UBE2H: variants seen among roughly 807,000 people sequenced by gnomAD.
UBE2H encodes ubiquitin conjugating enzyme E2 H.
Under a neutral mutation model 29.0 loss-of-function variants are expected in UBE2H, and 3 were observed. The ratio of observed to expected loss-of-function variants is 0.10; its 90% CI spans 0.05 to 0.27. The LOEUF (loss-of-function observed/expected upper bound fraction) is 0.27. Among genes scored for constraint, UBE2H ranks in the 10% least tolerant of loss-of-function variants. UBE2H has a pLI of 1.00. For synonymous variants in UBE2H, 69 were observed against 82.9 expected (o/e 0.83, Z 0.91); for missense variants, 68 against 228.2 (o/e 0.30, Z 4.52).
At chr7:129,894,191 C>T (rs1026350422) in intron 1 of UBE2H, among the ~76,000 whole-genome samples, 9 of 152,052 alleles carry the variant, frequency 5.9e-5, no homozygotes, top group Non-Finnish European at 8.8e-5. Context: ...CAGTGGCTCA[C>T]GCCTGTAATT....
At chr7:129,858,974 G>C (rs769152857) in intron 3 of UBE2H, 33 bp from the exon 4 acceptor site, 16 of 1,566,150 alleles carry the variant, frequency 1.0e-5, no homozygotes, top group Non-Finnish European at 7.0e-6. Context: ...GCAGCAAAAA[G>C]TATCCAGAGA....
At chr7:129,856,910 TC>T (rs777360820) in intron 5 of UBE2H, 10 of 152,124 alleles carry the variant, frequency 6.6e-5, no homozygotes, top group Non-Finnish European at 1.5e-4. Flanking sequence ...TATTTTCAGC[TC>T]CCCAACCAGG....
At chr7:129,876,941 A>G (rs76976187) in intron 3 of UBE2H, among the ~76,000 whole-genome samples, 9,524 of 152,296 alleles carry the variant, frequency 0.063, 368 homozygotes, top group Non-Finnish European at 0.092. Flanking sequence ...TCCCAAAGAT[A>G]AGCATATCAC....
At chr7:129,852,465 T>C (rs965942430) in intron 5 of UBE2H, among the ~76,000 whole-genome samples, 11 of 130,008 alleles carry the variant, frequency 8.5e-5, no homozygotes, top group African/African-American at 3.2e-4. Flanking sequence ...AGACTCCGTC[T>C]CAAAAAAAAA....
At chr7:129,865,748 ATAAAG>A (rs1255174709) in intron 3 of UBE2H, among the ~76,000 whole-genome samples, 1 of 152,276 alleles carries the variant, frequency 6.6e-6, no homozygotes, top group Admixed American at 6.5e-5. Context: ...AACTGCCCAC[ATAAAG>A]TAGACTGTTC....
chr7:129,896,638 C>T (rs1181115974), intron 1 of UBE2H, among the ~76,000 whole-genome samples: 2 of 152,256 alleles, frequency 1.3e-5, no homozygotes, highest in South Asian at 2.1e-4. Context: ...CTACTGGTCT[C>T]GAGTGATCCT....
intron 3 of UBE2H, among the ~76,000 whole-genome samples, chr7:129,876,051 T>TA (rs952054979): frequency 3.3e-5 from 5 of 152,322 alleles, no homozygotes; most frequent in South Asian, 2.1e-4. Context: ...ACACCTCTCC[T>TA]AAAAAACAAT....
chr7:129,940,589 C>T (rs1287129577), intron 1 of UBE2H, among the ~76,000 whole-genome samples: 2 of 152,182 alleles, frequency 1.3e-5, no homozygotes, highest in Non-Finnish European at 2.9e-5. Context: ...ATTCACACTG[C>T]CTACATAACG....
chr7:129,920,491 T>C (rs1221129564), intron 1 of UBE2H, among the ~76,000 whole-genome samples: 4 of 152,026 alleles, frequency 2.6e-5, no homozygotes, highest in African/African-American at 9.7e-5. Context: ...ACAAATGAAG[T>C]AAAGCTACTA....
chr7:129,857,566 G>C lies in UBE2H; in HGVS notation c.246-3C>G. 1 of 1,609,098 alleles carries C rather than the reference G, an allele frequency of 6.2e-7. No homozygotes were observed. Among genetic ancestry groups the C allele is most frequent in the Non-Finnish European group, 8.5e-7 (1 of 1,178,104 alleles). On this transcript the variant is annotated splice_polypyrimidine_tract_variant and splice_region_variant and intron_variant, in intron 4 of 6. Coordinates refer to ENST00000355621, the MANE Select transcript of UBE2H (RefSeq NM_003344.4). ...CATCTAGACACACAGTTCCTGACCT[G>C]AAACAGATGGAAAGAATGGCATGTT...
At chr7:129,910,550 G>T (rs1806911823) in intron 1 of UBE2H, among the ~76,000 whole-genome samples, 1 of 152,004 alleles carries the variant, frequency 6.6e-6, no homozygotes, top group Non-Finnish European at 1.5e-5. Context: ...TTAAACCATG[G>T]GTGCTAAAGA....
At chr7:129,861,924 T>A (rs181113814) in intron 3 of UBE2H, among the ~76,000 whole-genome samples, 1 of 152,112 alleles carries the variant, frequency 6.6e-6, no homozygotes, top group African/African-American at 2.4e-5. Flanking sequence ...CATTCTAAAA[T>A]AGACTGAATT....
At chr7:129,836,732 T>C (rs955542898) in intron 6 of UBE2H, among the ~76,000 whole-genome samples, 1 of 151,646 alleles carries the variant, frequency 6.6e-6, no homozygotes, top group Non-Finnish European at 1.5e-5. Context: ...TACAAAAAAC[T>C]AGCTGGATGT....
intron 5 of UBE2H, among the ~76,000 whole-genome samples, chr7:129,854,073 T>TTTGTTTTG (rs941852854): frequency 4.0e-5 from 6 of 150,100 alleles, no homozygotes; most frequent in African/African-American, 1.5e-4. Flanking sequence ...TTTTTTTTTT[T>TTTGTTTTG]TTTTTTTTTG....
intron 1 of UBE2H, among the ~76,000 whole-genome samples, chr7:129,908,964 A>C (rs1806875014): frequency 6.6e-6 from 1 of 152,264 alleles, no homozygotes; most frequent in African/African-American, 2.4e-5. Context: ...CGTAGAACTC[A>C]GAATGTAACT....
chr7:129,879,463 CAA>C, intron 3 of UBE2H, 103 bp downstream of exon 3: 1 of 1,110,308 alleles, frequency 9.0e-7, no homozygotes, highest in South Asian at 1.4e-5. Flanking sequence ...AGGAAAAATT[CAA>C]TTAGACAGCC....
intron 1 of UBE2H, among the ~76,000 whole-genome samples, chr7:129,935,789 A>G (rs1044695488): frequency 6.6e-6 from 1 of 152,226 alleles, no homozygotes; most frequent in East Asian, 1.9e-4. Context: ...TGTTAATCAC[A>G]GTTGAAAAGT....
At chr7:129,858,493 GATTC>G (rs1193553032) in intron 4 of UBE2H, among the ~76,000 whole-genome samples, 2 of 152,134 alleles carry the variant, frequency 1.3e-5, no homozygotes, top group African/African-American at 4.8e-5. Flanking sequence ...GGATAAATAA[GATTC>G]ATTAACTGAA....
intron 1 of UBE2H, among the ~76,000 whole-genome samples, chr7:129,919,941 T>C (rs1302629184): frequency 2.6e-5 from 4 of 152,188 alleles, no homozygotes; most frequent in African/African-American, 4.8e-5. Context: ...GGAACTCTCA[T>C]ATGTTGCTGA....
Sources: allele counts gnomAD v4.1 joint callset (sites outside exome capture counted in the v4.1 genomes callset), GRCh38; gene constraint gnomAD v4.1.1; transcripts MANE v1.5; gene names NCBI Gene and HGNC (gene_info 2026-07-23, HGNC 2026-07-21).